The following TGFA variants were observed in gnomAD, a reference collection of about 807,000 sequenced individuals.
TGFA encodes the protein transforming growth factor alpha.
Under a neutral mutation model 21.7 loss-of-function variants are expected in TGFA, and 12 were observed. That is an observed-to-expected ratio of 0.55 (90% confidence interval 0.35 to 0.90). The LOEUF is 0.90. Among genes scored for constraint, TGFA ranks in the 40% least tolerant of loss-of-function variants. The pLI is 0.01. For missense variants in TGFA, 178 were observed against 210.8 expected (o/e 0.84, Z 0.96); for synonymous variants, 79 against 88.1 (o/e 0.90, Z 0.58).
At chr2:70,495,788 A>G (rs1046811465) in intron 2 of TGFA, among the ~76,000 whole-genome samples, 2 of 152,166 alleles carry the variant, frequency 1.3e-5, no homozygotes, top group Admixed American at 6.5e-5. Flanking sequence ...AAAGTTTTTC[A>G]TCTTGCATAA....
At chr2:70,538,032 A>G (rs1300241440) in intron 1 of TGFA, among the ~76,000 whole-genome samples, 1 of 152,216 alleles carries the variant, frequency 6.6e-6, no homozygotes, top group Non-Finnish European at 1.5e-5. Flanking sequence ...ATGTTCATTT[A>G]CCATTCAAGA....
chr2:70,522,741 A>G (rs1202436940), intron 1 of TGFA, among the ~76,000 whole-genome samples: 1 of 152,164 alleles, frequency 6.6e-6, no homozygotes, highest in Non-Finnish European at 1.5e-5. Flanking sequence ...TCAGGGGTAC[A>G]CGTGCAGGAT....
intron 1 of TGFA, chr2:70,553,356 C>A: frequency 6.8e-7 from 1 of 1,471,554 alleles, no homozygotes; most frequent in Non-Finnish European, 8.9e-7. Context: ...GTCTACACGC[C>A]AGCGACGCCG....
chr2:70,553,686 G>T, intron 1 of TGFA, 42 bp downstream of exon 1: 1 of 1,338,890 alleles, frequency 7.5e-7, no homozygotes, highest in African/African-American at 1.5e-5. Flanking sequence ...GGGGAAGCAG[G>T]GTGTCGCGCG....
chr2:70,491,283 C>T (rs1258582910), intron 2 of TGFA, among the ~76,000 whole-genome samples: 1 of 152,210 alleles, frequency 6.6e-6, no homozygotes, highest in African/African-American at 2.4e-5. Flanking sequence ...TCTCCCAGGA[C>T]AAACCCATGT....
intron 1 of TGFA, among the ~76,000 whole-genome samples, chr2:70,518,309 G>A (rs918672348): frequency 1.3e-5 from 2 of 152,192 alleles, no homozygotes; most frequent in Non-Finnish European, 2.9e-5. Flanking sequence ...AGAAAAGAAG[G>A]GGGTGGTATC....
At chr2:70,545,714 A>G (rs1553505788) in intron 1 of TGFA, among the ~76,000 whole-genome samples, 1 of 152,210 alleles carries the variant, frequency 6.6e-6, no homozygotes, top group East Asian at 1.9e-4. Context: ...TAAATATATA[A>G]GTAAAGGTAG....
intron 2 of TGFA, among the ~76,000 whole-genome samples, chr2:70,509,858 C>T (rs963972012): frequency 2.0e-5 from 3 of 152,216 alleles, no homozygotes; most frequent in African/African-American, 7.2e-5. Flanking sequence ...CACCCAACAA[C>T]TTCTTAACCA....
intron 1 of TGFA, among the ~76,000 whole-genome samples, chr2:70,549,060 G>A (rs1175816559): frequency 2.0e-5 from 3 of 152,108 alleles, no homozygotes; most frequent in African/African-American, 7.2e-5. Flanking sequence ...TTTTAATTAG[G>A]TGATTAAAAA....
chr2:70,537,257 TC>T (rs1351853865), intron 1 of TGFA, among the ~76,000 whole-genome samples: 1 of 152,100 alleles, frequency 6.6e-6, no homozygotes, highest in Non-Finnish European at 1.5e-5. Context: ...TTTCTCCATC[TC>T]TCTCCTTCTC....
At chr2:70,508,602 G>A (rs1553500548) in intron 2 of TGFA, among the ~76,000 whole-genome samples, 2 of 152,198 alleles carry the variant, frequency 1.3e-5, no homozygotes, top group African/African-American at 4.8e-5. Context: ...ATTCATGCAA[G>A]TAAAGTGATG....
chr2:70,475,905 C>G (rs1447532355), intron 2 of TGFA, among the ~76,000 whole-genome samples: 1 of 151,712 alleles, frequency 6.6e-6, no homozygotes, highest in African/African-American at 2.4e-5. Flanking sequence ...AAGCAGCCTG[C>G]CAATCACCAT....
At chr2:70,551,312 G>T (rs889662359) in intron 1 of TGFA, among the ~76,000 whole-genome samples, 12 of 152,192 alleles carry the variant, frequency 7.9e-5, no homozygotes, top group African/African-American at 2.9e-4. Flanking sequence ...AACCTGACAT[G>T]GGAGGGCAGC....
At chr2:70,521,609 GTTTGTTTGTT>G (rs1672464648) in intron 1 of TGFA, among the ~76,000 whole-genome samples, 1 of 78,876 alleles carries the variant, frequency 1.3e-5, no homozygotes, top group Admixed American at 1.8e-4. Context: ...TTTTGTTGTT[GTTTGTTTGTT>G]TTTTTTTTTT....
chr2:70,452,899 C>T (rs1357323699), intron 5 of TGFA, among the ~76,000 whole-genome samples: 3 of 152,084 alleles, frequency 2.0e-5, no homozygotes, highest in South Asian at 2.1e-4. Context: ...GCCGAGATCA[C>T]GCCATTGCAC....
rs1475370816 is a variant in TGFA, at chr2:70,541,026, C to T, written c.40+12702G>A. 4.6e-5 allele frequency among the ~76,000 whole-genome samples: 7 copies of T among 152,218 alleles called. No homozygotes were observed. The South Asian group carries it at 6.2e-4, about 14-fold the overall frequency. On this transcript the variant is annotated intron_variant, in intron 1 of 5. Transcript: ENST00000295400. ...CACACATAAACAATAGAAGTATAAA[C>T]GTGCACAGCTTTTCTGTTGTCAAAA...
chr2:70,478,242 C>G (rs1290010676), intron 2 of TGFA, among the ~76,000 whole-genome samples: 6 of 152,164 alleles, frequency 3.9e-5, no homozygotes, highest in Non-Finnish European at 7.3e-5. Context: ...GCTTCTGCAA[C>G]TCTATAAAAC....
intron 3 of TGFA, among the ~76,000 whole-genome samples, chr2:70,465,201 G>T (rs1017269420): frequency 3.3e-5 from 5 of 152,230 alleles, no homozygotes; most frequent in Non-Finnish European, 5.9e-5. Context: ...GAGCTGGATT[G>T]TGAAGATGCT....
intron 1 of TGFA, among the ~76,000 whole-genome samples, chr2:70,521,678 G>A (rs1240462094): frequency 2.4e-5 from 3 of 126,404 alleles, no homozygotes; most frequent in African/African-American, 5.8e-5. Flanking sequence ...GCAGTGGCAC[G>A]ATCTTGGCTC....
Sources: gnomAD v4.1 joint callset for allele counts (sites outside exome capture counted in the v4.1 genomes callset) on GRCh38, gnomAD v4.1.1 for gene constraint, MANE v1.5 for transcripts, NCBI Gene and HGNC (gene_info 2026-07-23, HGNC 2026-07-21) for gene names.